ADGRV1: variants seen among roughly 807,000 people sequenced by gnomAD.
The protein encoded by ADGRV1 is adhesion G protein-coupled receptor V1, also known as G-protein coupled receptor 98.
In ADGRV1, 359 loss-of-function variants were observed where a neutral mutation model predicts 596.2. The ratio of observed to expected loss-of-function variants is 0.60; its 90% CI spans 0.55 to 0.66. The LOEUF (loss-of-function observed/expected upper bound fraction) is 0.66. ADGRV1 is among the 30% of genes least tolerant of loss of function. ADGRV1 has a pLI of 0.00. For missense variants in ADGRV1, 7,274 were observed against 7,575.6 expected (o/e 0.96, Z 1.48); for synonymous variants, 2,681 against 2,679.2 (o/e 1.00, Z -0.02).
At chr5:90,916,740 C>T (rs936349217) in intron 83 of ADGRV1, among the ~76,000 whole-genome samples, 8 of 147,566 alleles carry the variant, frequency 5.4e-5, no homozygotes, top group South Asian at 2.1e-4. Context: ...TCACGCCATT[C>T]TCCTGCCTCA....
At chr5:90,771,863 A>G (rs1757725295) in intron 59 of ADGRV1, among the ~76,000 whole-genome samples, 2 of 152,152 alleles carry the variant, frequency 1.3e-5, no homozygotes, top group Admixed American at 1.3e-4. Flanking sequence ...TTATTTTTAG[A>G]CACTTTAATA....
chr5:90,608,900 A>G (rs920432486), intron 1 of ADGRV1, among the ~76,000 whole-genome samples: 2 of 152,104 alleles, frequency 1.3e-5, no homozygotes, highest in African/African-American at 4.8e-5. Context: ...AAGTTACCAT[A>G]ATTGTGTCAA....
chr5:91,108,308 A>AC (rs1389973502), intron 87 of ADGRV1, among the ~76,000 whole-genome samples: 6 of 151,954 alleles, frequency 3.9e-5, no homozygotes, highest in South Asian at 4.2e-4. Context: ...TTGTTTTTTT[A>AC]CCCCCCGAAT....
Position 90,999,737 on chromosome 5 carries a change from G to A in ADGRV1, c.18152+14215G>A, listed in dbSNP as rs568833154. 4.6e-5 allele frequency among the ~76,000 whole-genome samples: 7 copies of A among 152,080 alleles called. No individual in the cohort carries two copies. The South Asian group carries it at 8.3e-4, about 18-fold the overall frequency. ...TCCAGTTGGAAAACTGAAAAAGCTC[G>A]TACAACCACAGATGGTCAAGTGTGT... On this transcript the variant is annotated intron_variant, in intron 85 of 89. Coordinates refer to ENST00000405460, the MANE Select transcript of ADGRV1 (RefSeq NM_032119.4).
intron 86 of ADGRV1, among the ~76,000 whole-genome samples, chr5:91,095,038 A>ATC (rs1404757699): frequency 6.6e-6 from 1 of 152,196 alleles, no homozygotes; most frequent in African/African-American, 2.4e-5. Context: ...GTTTCTTATT[A>ATC]TCTGAATGGG....
intron 20 of ADGRV1, chr5:90,654,185 C>A: frequency 1.9e-6 from 1 of 531,696 alleles, no homozygotes. Flanking sequence ...TAAACCCTAG[C>A]AGAGAGATGT....
chr5:90,799,106 A>G (rs527933944), intron 70 of ADGRV1, among the ~76,000 whole-genome samples: 2 of 152,258 alleles, frequency 1.3e-5, no homozygotes, highest in Non-Finnish European at 2.9e-5. Context: ...GGAGTAAAGG[A>G]TATTCAAATA....
intron 77 of ADGRV1, among the ~76,000 whole-genome samples, chr5:90,834,890 CTTTCTTTCTCTTTCTT>C (rs751351192): frequency 7.4e-5 from 11 of 148,246 alleles, no homozygotes; most frequent in South Asian, 2.1e-4. Flanking sequence ...TTTCTTTTTT[CTTTCTTTCTCTTTCTT>C]TTTCTTTCTC....
At chr5:90,828,381 C>T (rs1156234124) in intron 76 of ADGRV1, among the ~76,000 whole-genome samples, 1 of 152,036 alleles carries the variant, frequency 6.6e-6, no homozygotes, top group Non-Finnish European at 1.5e-5. Context: ...ACTCCACTCC[C>T]TGCCCTGTCC....
chr5:90,813,333 A>G (rs909184462), intron 74 of ADGRV1, among the ~76,000 whole-genome samples: 4 of 151,726 alleles, frequency 2.6e-5, no homozygotes, highest in African/African-American at 7.3e-5. Context: ...TCCAAGCCAT[A>G]CTCCATTAAT....
Position 90,689,851 on chromosome 5 carries a change from G to T in ADGRV1, c.6491-10G>T. On this transcript the variant is annotated splice_polypyrimidine_tract_variant and intron_variant, in intron 29 of 89. Transcript: ENST00000405460. ...TAGAAGTCTTAACATTTTACTTTTG[G>T]TCTTTTCAGGTGAAGATTATAGTAT... The T allele has an allele frequency of 1.3e-6, 2 of 1,596,674 alleles. No individual in the cohort carries two copies. Among genetic ancestry groups the T allele is most frequent in the South Asian group, 2.2e-5 (2 of 89,430 alleles).
chr5:90,816,413 A>G (rs937997226), intron 75 of ADGRV1, among the ~76,000 whole-genome samples: 1 of 149,954 alleles, frequency 6.7e-6, no homozygotes, highest in African/African-American at 2.4e-5. Context: ...GATTTTTTAA[A>G]TTTTATTATT....
At position 90,805,271 on chromosome 5, in the gene ADGRV1, G is replaced by T. The variant is rs1479264402; in HGVS notation, c.14662-13G>T. 3 of 1,605,408 alleles carry T rather than the reference G, an allele frequency of 1.9e-6. No homozygotes were observed. The highest frequency in any genetic ancestry group is 1.1e-5 in the South Asian group (1 of 90,484). On this transcript the variant is annotated splice_polypyrimidine_tract_variant and intron_variant, in intron 71 of 89. Coordinates refer to ENST00000405460, the MANE Select transcript of ADGRV1 (RefSeq NM_032119.4). ...GAGAGAAATAAAATACTCTAAGCAT[G>T]ATTTTCCCTCAGGTCGGATTTGAAT...
chr5:90,627,683 C>A lies in ADGRV1; in HGVS notation c.1145C>A (p.Thr382Asn), dbSNP rs776976907. 6 of 1,613,256 alleles carry A rather than the reference C, an allele frequency of 3.7e-6. No homozygotes were observed. The South Asian group carries it at 6.6e-5, about 18-fold the overall frequency. Reference protein sequence around the residue: ...VLISPSVVQVTIKPNDKPYGV... With the variant: ...VLISPSVVQVNIKPNDKPYGV... ...ATAAGCCCTTCTGTTGTACAAGTCA[C>A]CATTAAGCCAAATGATAAACCTTAT... Residue 382 changes from threonine to asparagine, a missense_variant, in exon 7 of 90, where the codon ACC (threonine) becomes AAC (asparagine). This residue lies in a region of ADGRV1 where 1,715 missense variants were observed against 1,708.8 expected (regional missense o/e 1.00). Transcript: ENST00000405460.
intron 83 of ADGRV1, among the ~76,000 whole-genome samples, chr5:90,941,575 C>G (rs975028441): frequency 4.6e-5 from 7 of 152,184 alleles, no homozygotes; most frequent in Non-Finnish European, 1.0e-4. Flanking sequence ...CTCTAGGAGT[C>G]ACTGCCAACC....
intron 87 of ADGRV1, among the ~76,000 whole-genome samples, chr5:91,137,481 C>CTCTT (rs1241622455): frequency 3.3e-5 from 5 of 152,300 alleles, no homozygotes; most frequent in Admixed American, 3.3e-4. Context: ...CGTATTTTAA[C>CTCTT]TGAGTGTAGC....
intron 24 of ADGRV1, among the ~76,000 whole-genome samples, 172 bp downstream of exon 24, chr5:90,675,617 G>A (rs576678548): frequency 1.2e-4 from 18 of 151,994 alleles, no homozygotes; most frequent in African/African-American, 2.4e-4. Context: ...GGGCAACGTC[G>A]CAAGTCACTT....
chr5:90,951,027 T>G (rs1777019824), intron 83 of ADGRV1, among the ~76,000 whole-genome samples: 1 of 152,160 alleles, frequency 6.6e-6, no homozygotes. Context: ...TTATAAAATC[T>G]GTGGTGAAAA....
Position 90,787,975 on chromosome 5 carries a change from G to T in ADGRV1, c.13654-96G>T, listed in dbSNP as rs1242600887. 8 of 747,196 alleles carry T rather than the reference G, an allele frequency of 1.1e-5. No individual in the cohort carries two copies. In the East Asian group the frequency reaches 2.2e-4, roughly 21 times the overall value. The allele number at this position is 747,196 out of a possible 1,614,324, so 46.3% of individuals were successfully genotyped here. A position where few individuals can be genotyped will look rare whatever the true frequency, so the allele number is the denominator to read the frequency against. ...TTATCCTAGAATAATTTTCCTATATGTGTATATATTTTCTTAATACTAGAT... is the reference window on the plus strand; with the variant it reads ...TTATCCTAGAATAATTTTCCTATATTTGTATATATTTTCTTAATACTAGAT... On this transcript the variant is annotated intron_variant, in intron 67 of 89. Coordinates refer to ENST00000405460, the MANE Select transcript of ADGRV1 (RefSeq NM_032119.4).
Sources: allele counts gnomAD v4.1 joint callset (sites outside exome capture counted in the v4.1 genomes callset), GRCh38; gene constraint gnomAD v4.1.1; regional missense constraint gnomAD v4.1.1; transcripts MANE v1.5; gene names NCBI Gene and HGNC (gene_info 2026-07-23, HGNC 2026-07-21).